Variants in CTNNA2 observed in about 807,000 individuals in gnomAD.
CTNNA2 encodes the protein catenin alpha-2.
CTNNA2 carries 42 observed loss-of-function variants against 101.0 expected under a neutral mutation model. That is an observed-to-expected ratio of 0.42 (90% CI 0.32 to 0.54). CTNNA2 has a LOEUF of 0.54. Ranked by LOEUF, CTNNA2 falls within the 20% of genes least tolerant of loss-of-function variation. The pLI, the probability that CTNNA2 is intolerant of heterozygous loss-of-function variation, is 0.14. For missense variants in CTNNA2, 871 were observed against 1,223.1 expected (o/e 0.71, Z 4.29); for synonymous variants, 450 against 456.4 (o/e 0.99, Z 0.18).
At chr2:80,018,028 T>G (rs1221694874) in intron 7 of CTNNA2, among the ~76,000 whole-genome samples, 2 of 152,192 alleles carry the variant, frequency 1.3e-5, no homozygotes, top group African/African-American at 4.8e-5. Context: ...ATTTAAGCAA[T>G]TGTTAGTGTT....
intron 9 of CTNNA2, among the ~76,000 whole-genome samples, chr2:80,441,583 G>A (rs916442934): frequency 2.0e-5 from 3 of 152,060 alleles, no homozygotes; most frequent in East Asian, 3.9e-4. Flanking sequence ...TATACCACAG[G>A]CAACACCATT....
At chr2:80,097,958 C>A (rs902576230) in intron 7 of CTNNA2, among the ~76,000 whole-genome samples, 19 of 152,124 alleles carry the variant, frequency 1.2e-4, no homozygotes, top group Non-Finnish European at 2.2e-4. Flanking sequence ...CGAACTTCCT[C>A]CTTTAGCTCG....
At chr2:79,359,935 C>T (rs1207513274) in intron 3 of CTNNA2, among the ~76,000 whole-genome samples, 2 of 152,096 alleles carry the variant, frequency 1.3e-5, no homozygotes, top group Non-Finnish European at 2.9e-5. Flanking sequence ...GACTGGGATG[C>T]CATCATCATT....
chr2:79,656,012 A>T (rs1185222919), intron 2 of CTNNA2, among the ~76,000 whole-genome samples: 2 of 152,108 alleles, frequency 1.3e-5, no homozygotes, highest in African/African-American at 4.8e-5. Context: ...TCATACAGAG[A>T]TTTGGCACTG....
rs907139537 is a variant in CTNNA2, at chr2:79,419,943, T to C, written c.-135+45930T>C. Among the ~76,000 whole-genome samples the C allele has an allele frequency of 3.9e-5, 6 of 152,168 alleles. No homozygotes were observed. In the South Asian group the frequency reaches 1.2e-3, roughly 32 times the overall value. On this transcript the variant is annotated intron_variant, in intron 4 of 21. Coordinates refer to the CTNNA2 transcript ENST00000466387. ...ATGATGTTTCCTCTGGGCTTTCTTA[T>C]CTCCAGCATGTTGCAGCTTTCATCT...
intron 11 of CTNNA2, among the ~76,000 whole-genome samples, chr2:80,549,338 T>A (rs12465195): frequency 0.46 from 68,630 of 149,950 alleles, 16,884 homozygotes; most frequent in Middle Eastern, 0.63. Context: ...ACTTTTCCTA[T>A]TTTTTTTTAA....
chr2:79,733,161 A>G (rs1007198870), intron 2 of CTNNA2, among the ~76,000 whole-genome samples: 1 of 152,146 alleles, frequency 6.6e-6, no homozygotes, highest in South Asian at 2.1e-4. Context: ...CAACAAATAT[A>G]TCTCAAATAG....
At chr2:79,742,587 A>G (rs1193944056) in intron 2 of CTNNA2, among the ~76,000 whole-genome samples, 5 of 152,140 alleles carry the variant, frequency 3.3e-5, no homozygotes, top group Admixed American at 6.5e-5. Context: ...GTAAATCCTC[A>G]TTAAGGAGAA....
chr2:80,570,854 T>G (rs1224584873), intron 12 of CTNNA2, among the ~76,000 whole-genome samples: 4 of 152,150 alleles, frequency 2.6e-5, no homozygotes, highest in Non-Finnish European at 1.5e-5. Context: ...ACTAGAGAGA[T>G]AATGTATGCC....
chr2:79,687,210 A>G (rs1041196795), intron 2 of CTNNA2, among the ~76,000 whole-genome samples: 1 of 152,120 alleles, frequency 6.6e-6, no homozygotes, highest in African/African-American at 2.4e-5. Flanking sequence ...GTGAGAGAAT[A>G]TGGTGACCCT....
At chr2:79,936,563 C>T (rs1415448429) in intron 7 of CTNNA2, among the ~76,000 whole-genome samples, 2 of 150,906 alleles carry the variant, frequency 1.3e-5, no homozygotes, top group Non-Finnish European at 1.5e-5. Flanking sequence ...TTTTTCCTAG[C>T]ATCTTTCAAC....
intron 1 of CTNNA2, among the ~76,000 whole-genome samples, chr2:79,581,878 A>G (rs1676168735): frequency 6.6e-6 from 1 of 152,230 alleles, no homozygotes; most frequent in Non-Finnish European, 1.5e-5. Flanking sequence ...AATCTAACTC[A>G]TTCTGTTATG....
chr2:80,507,756 C>G (rs1688386395), intron 9 of CTNNA2, among the ~76,000 whole-genome samples: 1 of 152,134 alleles, frequency 6.6e-6, no homozygotes, highest in African/African-American at 2.4e-5. Context: ...TATAATATTA[C>G]CATGCTCAAT....
chr2:80,505,586 G>A (rs1176711763), intron 9 of CTNNA2, among the ~76,000 whole-genome samples: 1 of 152,134 alleles, frequency 6.6e-6, no homozygotes, highest in Non-Finnish European at 1.5e-5. Flanking sequence ...GCAGTGTGGT[G>A]GATGAAGGGG....
intron 2 of CTNNA2, among the ~76,000 whole-genome samples, chr2:79,726,035 A>T (rs997372512): frequency 6.6e-6 from 1 of 152,182 alleles, no homozygotes; most frequent in African/African-American, 2.4e-5. Context: ...TCGGCCATAT[A>T]AAATTTAGCC....
chr2:80,419,416 G>C, intron 8 of CTNNA2, 33 bp from the exon 9 acceptor site: 2 of 1,570,112 alleles, frequency 1.3e-6, no homozygotes, highest in Non-Finnish European at 1.7e-6. Flanking sequence ...TTTCTTAATT[G>C]TATGTCATTT....
chr2:79,604,330 T>C (rs1677743904), intron 1 of CTNNA2, among the ~76,000 whole-genome samples: 1 of 152,180 alleles, frequency 6.6e-6, no homozygotes, highest in South Asian at 2.1e-4. Flanking sequence ...ATCATGTTTT[T>C]TAAGGCAGTA....
chr2:80,311,431 T>G (rs1677576931), intron 7 of CTNNA2, among the ~76,000 whole-genome samples: 2 of 152,320 alleles, frequency 1.3e-5, no homozygotes, highest in African/African-American at 4.8e-5. Context: ...CCTGTATTTC[T>G]GTCTGCCTTT....
chr2:79,630,224 G>A (rs746906500), intron 1 of CTNNA2, among the ~76,000 whole-genome samples: 1 of 152,180 alleles, frequency 6.6e-6, no homozygotes, highest in Non-Finnish European at 1.5e-5. Flanking sequence ...GGCACTGTAA[G>A]GCATGGCATA....
Sources: gnomAD v4.1 joint callset for allele counts (sites outside exome capture counted in the v4.1 genomes callset) on GRCh38, gnomAD v4.1.1 for gene constraint, MANE v1.5 for transcripts, NCBI Gene and HGNC (gene_info 2026-07-23, HGNC 2026-07-21) for gene names.